Variants in DHX29 observed in about 807,000 individuals in gnomAD.
The protein encoded by DHX29 is DExH-box helicase 29, also known as ATP-dependent RNA helicase DHX29.
Under a neutral mutation model 167.9 loss-of-function variants are expected in DHX29, and 79 were observed. The ratio of observed to expected loss-of-function variants is 0.47; its 90% CI spans 0.39 to 0.57. The LOEUF is 0.57. Among genes scored for constraint, DHX29 ranks in the 20% least tolerant of loss-of-function variants. The pLI is 0.00. For synonymous variants in DHX29, 530 were observed against 546.0 expected (o/e 0.97, Z 0.41); for missense variants, 1,347 against 1,593.4 (o/e 0.85, Z 2.63).
chr5:55,267,785 A>G lies in DHX29; in HGVS notation c.3332T>C (p.Phe1111Ser), dbSNP rs1332971636. The change falls in exon 22 of 27, where the codon TTT becomes TCT. Residue 1111 changes from phenylalanine to serine, a missense_variant. This residue lies in a region of DHX29 where 882 missense variants were observed against 1,082.4 expected (regional missense o/e 0.81). Coordinates refer to ENST00000251636, the MANE Select transcript of DHX29 (RefSeq NM_019030.4). ...LAAVMTEKSP[F>S]TTPIGRKDEA... ...ATCTTTTCGACCAATTGGTGTGGTA[A>G]AAGGAGACTTCTCTGTCATAACTGC... 6.2e-7 allele frequency: 1 copy of G among 1,605,910 alleles called. No individual in the cohort carries two copies. Among genetic ancestry groups the G allele is most frequent in the Non-Finnish European group, 8.5e-7 (1 of 1,175,608 alleles).
intron 6 of DHX29, among the ~76,000 whole-genome samples, chr5:55,292,561 T>TTACC (rs1216120364): frequency 6.6e-6 from 1 of 152,142 alleles, no homozygotes; most frequent in East Asian, 1.9e-4. Context: ...TTCTTGTCAG[T>TTACC]TACCTGCCCC....
intron 1 of DHX29, 101 bp downstream of exon 1, chr5:55,307,286 A>C (rs1748922348): frequency 2.0e-6 from 2 of 1,000,330 alleles, no homozygotes; most frequent in Admixed American, 5.4e-5. Context: ...GGGAAATAGA[A>C]ATGTTGGGCC....
At chr5:55,278,201 CT>C (rs1402032992) in intron 12 of DHX29, among the ~76,000 whole-genome samples, 1 of 152,182 alleles carries the variant, frequency 6.6e-6, no homozygotes, top group Non-Finnish European at 1.5e-5. Flanking sequence ...TGTCTTCCAA[CT>C]TTCTGTACTG....
chr5:55,306,746 T>C (rs1181774169), intron 1 of DHX29, among the ~76,000 whole-genome samples: 1 of 152,226 alleles, frequency 6.6e-6, no homozygotes, highest in African/African-American at 2.4e-5. Flanking sequence ...TAATTGTTCA[T>C]CTTTTGAGCT....
chr5:55,262,541 A>G (rs12514862), intron 24 of DHX29, 89 bp downstream of exon 24: 45,232 of 1,479,344 alleles, frequency 0.031, 1,644 homozygotes, highest in Admixed American at 0.13. Context: ...TGAGAACCAA[A>G]TAAAATACCT....
In DHX29 at chr5:55,275,004, T is replaced by G. The variant is rs1420073242; in HGVS notation, c.2434A>C (p.Ile812Leu). Residue 812 changes from isoleucine to leucine, a missense_variant, in exon 15 of 27, where the codon ATC becomes CTC. Ile to Leu is a conservative substitution (Grantham distance 5, BLOSUM62 2). This residue lies in a region of DHX29 where 882 missense variants were observed against 1,082.4 expected (regional missense o/e 0.81). Coordinates refer to ENST00000251636, the MANE Select transcript of DHX29 (RefSeq NM_019030.4). ...AGGIKKYQEYIPVQTGAHADL... is the reference protein window; with the variant it reads ...AGGIKKYQEYLPVQTGAHADL... ...GCATGTGCTCCAGTCTGAACTGGGA[T>G]GTATTCCTAAAAGAAATCCAACCAG... The G allele has an allele frequency of 6.2e-7, 1 of 1,610,000 alleles. No homozygotes were observed. The highest frequency in any genetic ancestry group is 1.7e-5 in the Admixed American group (1 of 58,760).
chr5:55,267,944 T>C, intron 21 of DHX29, 122 bp from the exon 22 acceptor site: 1 of 458,782 alleles, frequency 2.2e-6, no homozygotes. Flanking sequence ...TTATTTTCAA[T>C]ATTTTATTAT....
chr5:55,290,109 A>G, intron 7 of DHX29, 109 bp downstream of exon 7: 1 of 1,319,810 alleles, frequency 7.6e-7, no homozygotes, highest in Non-Finnish European at 1.0e-6. Flanking sequence ...CCCATGTATA[A>G]ACTGTTAGAA....
At chr5:55,297,539 C>T in intron 2 of DHX29, 141 bp from the exon 3 acceptor site, 1 of 596,098 alleles carries the variant, frequency 1.7e-6, no homozygotes, top group East Asian at 3.0e-5. Flanking sequence ...ATTTTTTGGA[C>T]TACCACCCAT....
chr5:55,291,285 G>A (rs1015174464), intron 6 of DHX29, among the ~76,000 whole-genome samples: 2 of 152,132 alleles, frequency 1.3e-5, no homozygotes, highest in African/African-American at 4.8e-5. Flanking sequence ...ACTATGGACT[G>A]CAGAAGGAAA....
chr5:55,266,310 GTTT>G (rs70992715), intron 23 of DHX29, among the ~76,000 whole-genome samples: 5 of 123,044 alleles, frequency 4.1e-5, no homozygotes, highest in East Asian at 2.4e-4. Flanking sequence ...TGTTGTTTTT[GTTT>G]TTTTTTTTTT....
intron 7 of DHX29, among the ~76,000 whole-genome samples, chr5:55,289,635 A>G (rs1747935072): frequency 6.6e-6 from 1 of 152,150 alleles, no homozygotes; most frequent in Non-Finnish European, 1.5e-5. Flanking sequence ...CAGGAATCAG[A>G]GGCAATTTAT....
rs1748937784 is a variant in DHX29 at position 55,307,450 on chromosome 5, C to A, written c.124G>T (p.Val42Leu). 2 of 1,613,284 alleles carry A rather than the reference C, an allele frequency of 1.2e-6. No homozygotes were observed. Among genetic ancestry groups the A allele is most frequent in the South Asian group, 2.2e-5 (2 of 91,088 alleles). ...IAGEAQSKKP[V>L]SRPATAAAAA... is the part of the protein sequence containing the mutation. ...GCGGCAGCGGTGGCCGGCCTGGACA[C>A]TGGCTTCTTGCTTTGGGCCTCCCCG... The change falls in exon 1 of 27, where the codon GTG becomes TTG. Residue 42 changes from valine to leucine, a missense_variant. This residue lies in a region of DHX29 where 405 missense variants were observed against 416.8 expected (regional missense o/e 0.97). Transcript: ENST00000251636.
At position 55,307,543 on chromosome 5, in the gene DHX29, G is replaced by A. The variant is rs1207484206; in HGVS notation, c.31C>T (p.Pro11Ser). 5.0e-6 allele frequency: 8 copies of A among 1,613,602 alleles called. No individual in the cohort carries two copies. The highest frequency in any genetic ancestry group is 1.1e-5 in the South Asian group (1 of 91,084). MGGKNKKHKA[P>S]AAAVVRAAVS... ...GCGGCCCGGACCACCGCGGCCGCTG[G>A]AGCCTTGTGTTTCTTGTTCTTGCCG... Residue 11 changes from proline (P) to serine (S), a missense_variant, in exon 1 of 27, where the codon CCA becomes TCA. Coordinates refer to ENST00000251636, the MANE Select transcript of DHX29 (RefSeq NM_019030.4).
intron 13 of DHX29, 112 bp from the exon 14 acceptor site, chr5:55,276,518 A>C: frequency 1.2e-6 from 1 of 859,472 alleles, no homozygotes; most frequent in African/African-American, 1.8e-5. Flanking sequence ...TTAATTTAGA[A>C]TATTATGAAA....
intron 23 of DHX29, among the ~76,000 whole-genome samples, chr5:55,266,360 AGTAC>A (rs1275264943): frequency 2.2e-4 from 29 of 130,058 alleles, no homozygotes; most frequent in African/African-American, 8.7e-4. Flanking sequence ...CCCAGGCTGG[AGTAC>A]AATGGCGTGA....
At chr5:55,280,072 C>G (rs532209094) in intron 12 of DHX29, among the ~76,000 whole-genome samples, 9 of 152,158 alleles carry the variant, frequency 5.9e-5, no homozygotes, top group Non-Finnish European at 1.0e-4. Context: ...CCAGAAGGAG[C>G]ATTATCCTGA....
intron 1 of DHX29, among the ~76,000 whole-genome samples, chr5:55,300,123 G>A (rs1383456691): frequency 6.6e-6 from 1 of 152,156 alleles, no homozygotes; most frequent in South Asian, 2.1e-4. Flanking sequence ...TGTAATCCCA[G>A]CACTTTGGGA....
intron 16 of DHX29, 42 bp downstream of exon 16, chr5:55,274,572 T>A: frequency 1.4e-6 from 2 of 1,415,904 alleles, no homozygotes; most frequent in Non-Finnish European, 1.9e-6. Flanking sequence ...AATATTTTCC[T>A]ATTTTAAAAC....
Sources: gnomAD v4.1 joint callset for allele counts (sites outside exome capture counted in the v4.1 genomes callset) on GRCh38, gnomAD v4.1.1 for gene constraint, gnomAD v4.1.1 regional missense constraint, MANE v1.5 for transcripts, NCBI Gene and HGNC (gene_info 2026-07-23, HGNC 2026-07-21) for gene names.